Variants in ZDHHC15 observed in about 807,000 individuals in gnomAD.
ZDHHC15 encodes palmitoyltransferase ZDHHC15.
Under a neutral mutation model 31.7 loss-of-function variants are expected in ZDHHC15, and 19 were observed. The observed-to-expected ratio is 0.60, with a 90% confidence interval of 0.42 to 0.88. The LOEUF is 0.88. ZDHHC15 is among the 40% of genes least tolerant of loss of function. The pLI is 0.00. For missense variants in ZDHHC15, 209 were observed against 251.2 expected, an observed-to-expected ratio of 0.83 and a Z score of 1.14; for synonymous variants, 103 against 90.0, an observed-to-expected ratio of 1.14 and a Z score of -0.82.
chrX:75,491,170 T>A (rs192513988), intron 2 of ZDHHC15, among the ~76,000 whole-genome samples: 11 of 110,813 alleles, frequency 9.9e-5, no homozygotes, highest in African/African-American at 3.6e-4. Flanking sequence ...TAAAGACACA[T>A]GAAAATGGAT....
chrX:75,452,354 T>C (rs768261082), intron 3 of ZDHHC15, among the ~76,000 whole-genome samples: 1 of 111,213 alleles, frequency 9.0e-6, no homozygotes, highest in South Asian at 3.8e-4. Flanking sequence ...TCTAAATATA[T>C]ATGCAACCAA....
intron 2 of ZDHHC15, among the ~76,000 whole-genome samples, chrX:75,482,905 C>A (rs1323314706): frequency 9.2e-6 from 1 of 108,504 alleles, no homozygotes; most frequent in Non-Finnish European, 1.9e-5. Flanking sequence ...TCTGGATTTG[C>A]CCTTAATAAC....
At chrX:75,387,524 A>G (rs2083192680) in intron 10 of ZDHHC15, among the ~76,000 whole-genome samples, 2 of 112,065 alleles carry the variant, frequency 1.8e-5, no homozygotes, top group Admixed American at 1.9e-4. Flanking sequence ...ACATTTGCTA[A>G]TCTGAAAAAA....
intron 3 of ZDHHC15, among the ~76,000 whole-genome samples, chrX:75,465,117 C>CA (rs1202103267): frequency 8.9e-6 from 1 of 112,156 alleles, no homozygotes; most frequent in African/African-American, 3.2e-5. Flanking sequence ...TCTCAGGATA[C>CA]AAAATTAATG....
chrX:75,463,575 T>TAAAACA (rs1556021742), intron 3 of ZDHHC15, among the ~76,000 whole-genome samples: 1 of 100,700 alleles, frequency 9.9e-6, no homozygotes, highest in Non-Finnish European at 2.0e-5. Flanking sequence ...AACTCAAATT[T>TAAAACA]ACAACAACAA....
chrX:75,443,659 C>T (rs1333482225), intron 4 of ZDHHC15, among the ~76,000 whole-genome samples: 2 of 111,836 alleles, frequency 1.8e-5, no homozygotes, highest in Admixed American at 1.9e-4. Context: ...GCAAAAGAAA[C>T]TATCGTCAGA....
At chrX:75,515,366 A>G (rs2085340118) in intron 1 of ZDHHC15, among the ~76,000 whole-genome samples, 1 of 111,572 alleles carries the variant, frequency 9.0e-6, no homozygotes, top group African/African-American at 3.3e-5. Context: ...CCAGAAGCAC[A>G]TCAAAAAGCT....
intron 1 of ZDHHC15, among the ~76,000 whole-genome samples, chrX:75,520,645 C>A (rs1239135202): frequency 9.0e-6 from 1 of 110,714 alleles, no homozygotes; most frequent in Non-Finnish European, 1.9e-5. Context: ...ACTTTTGACC[C>A]TTCAATCAAT....
At chrX:75,450,660 G>A in intron 4 of ZDHHC15, 142 bp downstream of exon 4, 4 of 1,154,506 alleles carry the variant, frequency 3.5e-6, no homozygotes, top group Non-Finnish European at 4.6e-6. Context: ...AAATTTTTTA[G>A]AAATAAAATG....
intron 4 of ZDHHC15, among the ~76,000 whole-genome samples, chrX:75,433,462 A>G (rs2083806632): frequency 9.1e-6 from 1 of 109,469 alleles, no homozygotes; most frequent in South Asian, 4.0e-4. Context: ...CCCAGAGTAC[A>G]CTATATCATT....
chrX:75,418,596 T>G, intron 9 of ZDHHC15, among the ~76,000 whole-genome samples: 1 of 111,991 alleles, frequency 8.9e-6, no homozygotes, highest in East Asian at 2.8e-4. Context: ...AAAAATAGCA[T>G]GGTACTGATA....
At chrX:75,383,389 C>A (rs1420892182) in intron 10 of ZDHHC15, among the ~76,000 whole-genome samples, 3 of 111,680 alleles carry the variant, frequency 2.7e-5, no homozygotes, top group African/African-American at 9.8e-5. Flanking sequence ...CCCATCTAGT[C>A]CCCAAATTCT....
chrX:75,428,953 C>G, intron 7 of ZDHHC15, 125 bp downstream of exon 7: 1 of 966,424 alleles, frequency 1.0e-6, no homozygotes, highest in Non-Finnish European at 1.4e-6. Flanking sequence ...TTAGTGCCTT[C>G]TCTTCCAGTT....
At chrX:75,375,022 T>G (rs1282817542) in intron 11 of ZDHHC15, among the ~76,000 whole-genome samples, 1 of 111,425 alleles carries the variant, frequency 9.0e-6, no homozygotes, top group African/African-American at 3.3e-5. Flanking sequence ...ACTCACCAGA[T>G]TGTATATTAT....
At chrX:75,452,002 T>A (rs2084126806) in intron 3 of ZDHHC15, among the ~76,000 whole-genome samples, 1 of 110,999 alleles carries the variant, frequency 9.0e-6, no homozygotes, top group South Asian at 3.8e-4. Flanking sequence ...GCTAACATCA[T>A]AATGACAGGA....
At chrX:75,409,795 T>TAAAAAAAA (rs1189768393) in intron 10 of ZDHHC15, among the ~76,000 whole-genome samples, 3 of 35,530 alleles carry the variant, frequency 8.4e-5, no homozygotes, top group African/African-American at 4.7e-4. Flanking sequence ...ACCCCATCTC[T>TAAAAAAAA]AAAAAAAAAA....
chrX:75,522,757 G>T (rs750144364), intron 1 of ZDHHC15, 132 bp downstream of exon 1: 2 of 885,401 alleles, frequency 2.3e-6, no homozygotes, highest in Admixed American at 6.6e-5. Context: ...CTGGGGACAA[G>T]GAACTCTCCA....
intron 9 of ZDHHC15, 81 bp downstream of exon 9, chrX:75,421,783 T>C: frequency 9.3e-7 from 1 of 1,071,616 alleles, no homozygotes. Context: ...TGATACCTGC[T>C]GCATACTACA....
At chrX:75,407,531 C>T (rs1291831013) in intron 10 of ZDHHC15, among the ~76,000 whole-genome samples, 5 of 111,176 alleles carry the variant, frequency 4.5e-5, no homozygotes, top group Non-Finnish European at 9.5e-5. Context: ...CGGCCAGCCG[C>T]CCCGTCCGGG....
Sources: allele counts gnomAD v4.1 joint callset (sites outside exome capture counted in the v4.1 genomes callset), GRCh38; gene constraint gnomAD v4.1.1; transcripts MANE v1.5; gene names NCBI Gene and HGNC (gene_info 2026-07-23, HGNC 2026-07-21).